The following SH2D4B variants were observed in gnomAD, a reference collection of about 807,000 sequenced individuals.
SH2D4B encodes SH2 domain-containing protein 4B.
In SH2D4B, 45 loss-of-function variants were observed where a neutral mutation model predicts 61.5. That is an observed-to-expected ratio of 0.73 (90% confidence interval 0.58 to 0.94). The LOEUF (loss-of-function observed/expected upper bound fraction) is 0.94, where lower values mean the gene tolerates loss of function less well. Among genes scored for constraint, SH2D4B ranks in the 40% least tolerant of loss-of-function variants. The probability of loss-of-function intolerance (pLI) is 0.00; values close to 1 mark genes in which losing one functional copy is unlikely to be tolerated. For synonymous variants in SH2D4B, 224 were observed against 220.4 expected, an observed-to-expected ratio of 1.02 and a Z score of -0.14; for missense variants, 572 against 574.2, an observed-to-expected ratio of 1.00 and a Z score of 0.04.
In SH2D4B at chr10:80,634,384, C is replaced by G; in HGVS notation, c.1088C>G (p.Ser363Cys). 1 of 1,550,612 alleles carries G rather than the reference C, an allele frequency of 6.4e-7. No individual in the cohort carries two copies. Among genetic ancestry groups the G allele is most frequent in the Non-Finnish European group, 8.7e-7 (1 of 1,146,998 alleles). ...GAGAAAATCTGGGGTTACACCCTCT[C>G]CTACCGCCTGCAGAAAGGGTTCAAA... ...VSEKIWGYTL[S>C]YRLQKGFKHF... The change falls in exon 7 of 8, where the codon TCC becomes TGC. Residue 363 changes from serine (S) to cysteine (C), a missense_variant. Ser to Cys is a moderately radical substitution (Grantham distance 112, BLOSUM62 -1). Coordinates refer to ENST00000646907, the MANE Select transcript of SH2D4B (RefSeq NM_001388272.1).
intron 3 of SH2D4B, among the ~76,000 whole-genome samples, chr10:80,572,185 C>A (rs1842056403): frequency 6.6e-6 from 1 of 152,106 alleles, no homozygotes; most frequent in Non-Finnish European, 1.5e-5. Flanking sequence ...AGAACCGGGG[C>A]CTTTTGCATC....
chr10:80,576,765 A>T (rs1842130624), intron 3 of SH2D4B, among the ~76,000 whole-genome samples: 1 of 152,130 alleles, frequency 6.6e-6, no homozygotes, highest in South Asian at 2.1e-4. Flanking sequence ...TGACTGATAT[A>T]ACTTTTTAAT....
At chr10:80,617,313 A>G (rs1472177413) in intron 6 of SH2D4B, among the ~76,000 whole-genome samples, 1 of 152,182 alleles carries the variant, frequency 6.6e-6, no homozygotes, top group African/African-American at 2.4e-5. Flanking sequence ...GCTAACCAGG[A>G]AAGTGTCTGC....
intron 3 of SH2D4B, among the ~76,000 whole-genome samples, chr10:80,574,932 C>T (rs11186124): frequency 0.24 from 37,110 of 151,732 alleles, 5,564 homozygotes; most frequent in East Asian, 0.46. Flanking sequence ...AACTCCTGAC[C>T]TCAAGTGATC....
intron 4 of SH2D4B, among the ~76,000 whole-genome samples, chr10:80,592,522 G>A (rs889981284): frequency 6.6e-6 from 1 of 152,100 alleles, no homozygotes; most frequent in Non-Finnish European, 1.5e-5. Flanking sequence ...TTACATTTAG[G>A]TCTTTGATCC....
intron 6 of SH2D4B, among the ~76,000 whole-genome samples, chr10:80,627,249 C>T (rs1457797118): frequency 2.0e-5 from 3 of 152,194 alleles, no homozygotes; most frequent in Non-Finnish European, 2.9e-5. Context: ...GAACCGTAAT[C>T]CTTCAATCCA....
At position 80,644,190 on chromosome 10, in the gene SH2D4B, C is replaced by A; in HGVS notation, c.*105C>A. ...GGCCTTCTGGAAGATCCACCACTATCCAAAGGAAAAAGTAGATTAATATGC... is the reference window on the plus strand; with the variant it reads ...GGCCTTCTGGAAGATCCACCACTATACAAAGGAAAAAGTAGATTAATATGC... On this transcript the variant is annotated 3_prime_UTR_variant, in exon 8 of 8. Transcript: ENST00000646907. The A allele has an allele frequency of 1.1e-6, 1 of 884,026 alleles. No individual in the cohort carries two copies. The highest frequency in any genetic ancestry group is 1.8e-6 in the Non-Finnish European group (1 of 556,264). 54.8% of individuals were successfully genotyped at this position (884,026 alleles called of 1,614,324 possible). A position where few individuals can be genotyped will look rare whatever the true frequency, so the allele number is the denominator to read the frequency against.
chr10:80,577,324 T>C (rs913714429), intron 3 of SH2D4B, among the ~76,000 whole-genome samples: 3 of 152,110 alleles, frequency 2.0e-5, no homozygotes, highest in African/African-American at 4.8e-5. Context: ...CCTCAATTGA[T>C]ACCAAGTGGT....
chr10:80,611,079 G>T (rs1235217613), intron 6 of SH2D4B, among the ~76,000 whole-genome samples: 1 of 150,164 alleles, frequency 6.7e-6, no homozygotes, highest in Non-Finnish European at 1.5e-5. Flanking sequence ...GGAGGCTGAG[G>T]CAGGAGAATT....
At chr10:80,626,358 G>A (rs1226681499) in intron 6 of SH2D4B, among the ~76,000 whole-genome samples, 3 of 152,164 alleles carry the variant, frequency 2.0e-5, no homozygotes, top group African/African-American at 4.8e-5. Context: ...TCTGCTGTAA[G>A]GCTAATTATT....
chr10:80,591,003 GC>G (rs1013314182), intron 4 of SH2D4B, among the ~76,000 whole-genome samples: 12 of 150,470 alleles, frequency 8.0e-5, no homozygotes, highest in African/African-American at 2.9e-4. Context: ...ACATTATGTG[GC>G]TTTTGGTGTC....
intron 3 of SH2D4B, among the ~76,000 whole-genome samples, chr10:80,571,917 T>C (rs545018048): frequency 6.6e-6 from 1 of 151,790 alleles, no homozygotes; most frequent in Non-Finnish European, 1.5e-5. Flanking sequence ...GGACTACAGG[T>C]GCCCACCACC....
chr10:80,631,716 T>C (rs1842836414), intron 6 of SH2D4B, among the ~76,000 whole-genome samples: 1 of 152,118 alleles, frequency 6.6e-6, no homozygotes, highest in African/African-American at 2.4e-5. Flanking sequence ...GAAAGACAAA[T>C]ACCTCATGAT....
intron 3 of SH2D4B, 94 bp from the exon 4 acceptor site, chr10:80,588,536 G>C: frequency 6.6e-7 from 1 of 1,522,566 alleles, no homozygotes; most frequent in Non-Finnish European, 8.9e-7. Context: ...TGCACTCTCA[G>C]CCCCATCCAC....
intron 6 of SH2D4B, among the ~76,000 whole-genome samples, chr10:80,616,192 C>T (rs1017329701): frequency 2.0e-5 from 3 of 152,122 alleles, no homozygotes; most frequent in African/African-American, 7.2e-5. Context: ...AGGGGTAACG[C>T]AGGGGCCATT....
intron 3 of SH2D4B, among the ~76,000 whole-genome samples, chr10:80,587,151 G>GT (rs58312366): frequency 0.011 from 552 of 48,294 alleles, 10 homozygotes; most frequent in South Asian, 0.014. Flanking sequence ...TTTTTGTTTT[G>GT]TTTTTTTTTT....
At chr10:80,569,461 G>A (rs191299192) in intron 1 of SH2D4B, among the ~76,000 whole-genome samples, 4 of 151,130 alleles carry the variant, frequency 2.6e-5, no homozygotes, top group African/African-American at 9.7e-5. Context: ...CCAGCGAACC[G>A]AGAAGATGGC....
intron 1 of SH2D4B, among the ~76,000 whole-genome samples, chr10:80,544,824 C>T (rs1435522377): frequency 2.0e-5 from 3 of 152,242 alleles, no homozygotes; most frequent in Non-Finnish European, 4.4e-5. Flanking sequence ...GTTTTCATGG[C>T]ACTCATGAAA....
At chr10:80,551,270 G>A (rs1234309708) in intron 1 of SH2D4B, among the ~76,000 whole-genome samples, 1 of 152,052 alleles carries the variant, frequency 6.6e-6, no homozygotes, top group African/African-American at 2.4e-5. Flanking sequence ...TAGCCAGGAT[G>A]GTCTCGATCT....
Sources: allele counts gnomAD v4.1 joint callset (sites outside exome capture counted in the v4.1 genomes callset), GRCh38; gene constraint gnomAD v4.1.1; transcripts MANE v1.5; gene names NCBI Gene and HGNC (gene_info 2026-07-23, HGNC 2026-07-21).